The following MARCHF3 variants were observed in gnomAD, a reference collection of about 807,000 sequenced individuals.
The protein encoded by MARCHF3 is membrane associated ring-CH-type finger 3.
Under a neutral mutation model 24.2 loss-of-function variants are expected in MARCHF3, and 13 were observed. The ratio of observed to expected loss-of-function variants is 0.54; its 90% CI spans 0.35 to 0.85. The LOEUF (loss-of-function observed/expected upper bound fraction) is 0.85, where lower values mean the gene tolerates loss of function less well. MARCHF3 is among the 40% of genes least tolerant of loss of function. The pLI, the probability that MARCHF3 is intolerant of heterozygous loss-of-function variation, is 0.01. For synonymous variants in MARCHF3, 144 were observed against 137.3 expected, an observed-to-expected ratio of 1.05 and a Z score of -0.34; for missense variants, 276 against 325.0, an observed-to-expected ratio of 0.85 and a Z score of 1.16.
intron 1 of MARCHF3, among the ~76,000 whole-genome samples, chr5:126,982,722 C>T (rs1404256216): frequency 6.6e-6 from 1 of 152,178 alleles, no homozygotes; most frequent in East Asian, 1.9e-4. Flanking sequence ...TAGATTTTCA[C>T]ATTTGTAAAA....
chr5:127,009,288 G>A (rs1752407252), intron 1 of MARCHF3, among the ~76,000 whole-genome samples: 1 of 152,116 alleles, frequency 6.6e-6, no homozygotes, highest in Non-Finnish European at 1.5e-5. Flanking sequence ...TAGGTGTACA[G>A]AATATTGATG....
In MARCHF3 at chr5:126,943,301, T is replaced by C. The variant is rs541241162; in HGVS notation, c.-56-25074A>G. 2.7e-5 allele frequency among the ~76,000 whole-genome samples: 4 copies of C among 149,174 alleles called. No individual in the cohort carries two copies. The East Asian group carries it at 8.1e-4, about 30-fold the overall frequency. ...AGAGCTCAATAATAATATTGAGCTGTGCATGATGGCTCACACTTGTAATCC... is the reference window on the plus strand; with the variant it reads ...AGAGCTCAATAATAATATTGAGCTGCGCATGATGGCTCACACTTGTAATCC... On this transcript the variant is annotated intron_variant, in intron 1 of 4. Transcript: ENST00000308660.
intron 3 of MARCHF3, among the ~76,000 whole-genome samples, chr5:126,902,276 T>C (rs781527053): frequency 1.3e-5 from 2 of 152,138 alleles, no homozygotes; most frequent in Non-Finnish European, 2.9e-5. Flanking sequence ...CACCTGTTTG[T>C]TATAGTATTC....
intron 1 of MARCHF3, among the ~76,000 whole-genome samples, chr5:126,974,583 G>T (rs188237082): frequency 6.6e-6 from 1 of 152,208 alleles, no homozygotes; most frequent in Non-Finnish European, 1.5e-5. Flanking sequence ...CTCAGTTGGA[G>T]GTTCTGAAAT....
chr5:126,957,886 A>G (rs932729407), intron 1 of MARCHF3, among the ~76,000 whole-genome samples: 2 of 152,092 alleles, frequency 1.3e-5, no homozygotes, highest in African/African-American at 4.8e-5. Context: ...GTGTCTTGCA[A>G]ATATTTAGTT....
chr5:127,004,496 T>G (rs1752243037), intron 1 of MARCHF3, among the ~76,000 whole-genome samples: 1 of 152,088 alleles, frequency 6.6e-6, no homozygotes. Context: ...AGACTTGGCA[T>G]GAATTTGTTC....
intron 3 of MARCHF3, among the ~76,000 whole-genome samples, chr5:126,902,146 G>C (rs1356172347): frequency 1.3e-5 from 2 of 152,014 alleles, no homozygotes; most frequent in African/African-American, 4.8e-5. Context: ...GGAAAACCTG[G>C]CTGGATTTCC....
chr5:126,907,606 G>GT (rs1754347357), intron 3 of MARCHF3, among the ~76,000 whole-genome samples: 1 of 150,106 alleles, frequency 6.7e-6, no homozygotes, highest in African/African-American at 2.5e-5. Context: ...ATCTTTGTTG[G>GT]TTTAAAGTCC....
chr5:126,958,898 G>A (rs1026595276), intron 1 of MARCHF3, among the ~76,000 whole-genome samples: 3 of 152,070 alleles, frequency 2.0e-5, no homozygotes, highest in African/African-American at 4.8e-5. Context: ...TCTAAGTAAC[G>A]AAATAAGTGA....
intron 1 of MARCHF3, among the ~76,000 whole-genome samples, chr5:126,960,916 A>T (rs1190065415): frequency 6.6e-6 from 1 of 152,160 alleles, no homozygotes; most frequent in African/African-American, 2.4e-5. Flanking sequence ...ATTTAGAAAA[A>T]TGATCAGACA....
intron 3 of MARCHF3, among the ~76,000 whole-genome samples, chr5:126,884,663 G>A (rs1319475562): frequency 6.6e-6 from 1 of 152,172 alleles, no homozygotes; most frequent in Non-Finnish European, 1.5e-5. Flanking sequence ...CCTGGGCTAA[G>A]GGACTTGCCC....
chr5:126,930,581 C>T lies in MARCHF3; in HGVS notation c.-56-12354G>A, dbSNP rs1330226478. On this transcript the variant is annotated intron_variant, in intron 1 of 4. Coordinates refer to ENST00000308660, the MANE Select transcript of MARCHF3 (RefSeq NM_178450.5). Reference sequence around the variant, plus strand: ...TTCTGATCCAACAGGAAGCCATTCCCACCCAGAAAAGCCTGCAGGTGCCAT... The same window carrying T: ...TTCTGATCCAACAGGAAGCCATTCCTACCCAGAAAAGCCTGCAGGTGCCAT... 2.6e-5 allele frequency among the ~76,000 whole-genome samples: 4 copies of T among 152,374 alleles called. No individual in the cohort carries two copies. In the East Asian group the frequency reaches 7.7e-4, roughly 29 times the overall value.
intron 4 of MARCHF3, among the ~76,000 whole-genome samples, chr5:126,874,036 C>T (rs556524153): frequency 2.6e-5 from 4 of 152,278 alleles, no homozygotes; most frequent in Non-Finnish European, 4.4e-5. Context: ...AGGAATTTCA[C>T]TTAGATATTT....
chr5:126,934,122 G>C (rs1379416547), intron 1 of MARCHF3, among the ~76,000 whole-genome samples: 1 of 152,110 alleles, frequency 6.6e-6, no homozygotes, highest in Non-Finnish European at 1.5e-5. Context: ...GCATTCACAG[G>C]AATAGTTTAT....
chr5:127,012,382 C>G (rs1206274536), intron 1 of MARCHF3, among the ~76,000 whole-genome samples: 2 of 152,038 alleles, frequency 1.3e-5, no homozygotes, highest in Non-Finnish European at 2.9e-5. Context: ...ATGTCAGTAC[C>G]TAGTAAATTG....
rs1754671692 is a variant in MARCHF3, at chr5:126,914,961, G to A, written c.362C>T (p.Ala121Val). ...TAACGGCCTGGGTTTGCGCTCGACT[G>A]CAAACCTGAAGTGGCAGAGTTCACA... ...SYCELCHFRF[A>V]VERKPRPLVE... The change falls in exon 3 of 5, where the codon GCA (alanine) becomes GTA (valine). Residue 121 changes from alanine (A) to valine (V), a missense_variant. Coordinates refer to ENST00000308660, the MANE Select transcript of MARCHF3 (RefSeq NM_178450.5). 1 of 1,614,226 alleles carries A rather than the reference G, an allele frequency of 6.2e-7. No individual in the cohort carries two copies. The highest frequency in any genetic ancestry group is 1.3e-5 in the African/African-American group (1 of 75,060).
At chr5:126,930,290 A>G (rs1749439974) in intron 1 of MARCHF3, among the ~76,000 whole-genome samples, 1 of 152,180 alleles carries the variant, frequency 6.6e-6, no homozygotes. Context: ...CTTATGGTAG[A>G]TACAATCTTT....
intron 3 of MARCHF3, among the ~76,000 whole-genome samples, chr5:126,907,091 G>A (rs1754326147): frequency 6.6e-6 from 1 of 151,818 alleles, no homozygotes. Context: ...TAGTCATTCA[G>A]GAGCAGGTTG....
At position 126,870,596 on chromosome 5, in the gene MARCHF3, A is replaced by T. The variant is rs940317185; in HGVS notation, c.*37T>A. On this transcript the variant is annotated 3_prime_UTR_variant, in exon 5 of 5. Transcript: ENST00000308660. ...CCCAGTGCAGACACTTCCAAACCCCAAACAATGAATCAAACAACCAACCAA... is the reference window on the plus strand; with the variant it reads ...CCCAGTGCAGACACTTCCAAACCCCTAACAATGAATCAAACAACCAACCAA... 5.6e-6 allele frequency: 9 copies of T among 1,605,266 alleles called. No individual in the cohort carries two copies. The highest frequency in any genetic ancestry group is 7.7e-6 in the Non-Finnish European group (9 of 1,174,950).
Sources: gnomAD v4.1 joint callset for allele counts (sites outside exome capture counted in the v4.1 genomes callset) on GRCh38, gnomAD v4.1.1 for gene constraint, MANE v1.5 for transcripts, NCBI Gene and HGNC (gene_info 2026-07-23, HGNC 2026-07-21) for gene names.